The following EML5 variants were observed in gnomAD, a reference collection of about 807,000 sequenced individuals.
EML5 encodes the protein echinoderm microtubule-associated protein-like 5.
Under a neutral mutation model 250.0 loss-of-function variants are expected in EML5, and 120 were observed. The ratio of observed to expected loss-of-function variants is 0.48; its 90% CI spans 0.41 to 0.56. The LOEUF is 0.56. EML5 is among the 20% of genes least tolerant of loss of function. The pLI, the probability that EML5 is intolerant of heterozygous loss-of-function variation, is 0.00. For missense variants in EML5, 2,006 were observed against 2,437.6 expected (o/e 0.82, Z 3.73); for synonymous variants, 771 against 806.5 (o/e 0.96, Z 0.75).
chr14:88,638,493 C>A (rs1490414158), intron 32 of EML5, among the ~76,000 whole-genome samples: 1 of 152,176 alleles, frequency 6.6e-6, no homozygotes, highest in Non-Finnish European at 1.5e-5. Context: ...CTCCTCTTTT[C>A]TGCTTTATAT....
At chr14:88,742,758 TA>T (rs781688066) in intron 4 of EML5, among the ~76,000 whole-genome samples, 12 of 152,154 alleles carry the variant, frequency 7.9e-5, no homozygotes, top group Non-Finnish European at 1.6e-4. Context: ...TTTTTGGTAT[TA>T]AATATTTGTC....
intron 1 of EML5, among the ~76,000 whole-genome samples, chr14:88,770,592 T>C (rs1010597466): frequency 6.6e-6 from 1 of 152,150 alleles, no homozygotes; most frequent in Non-Finnish European, 1.5e-5. Context: ...GCTGAATGTA[T>C]TGCTTTTGGA....
chr14:88,674,852 C>T (rs916477230), intron 21 of EML5, among the ~76,000 whole-genome samples: 2 of 152,194 alleles, frequency 1.3e-5, no homozygotes, highest in Non-Finnish European at 2.9e-5. Context: ...ATACAGCTGT[C>T]CCAAATAGGG....
chr14:88,701,084 G>A (rs1301630108), intron 14 of EML5, among the ~76,000 whole-genome samples: 1 of 151,972 alleles, frequency 6.6e-6, no homozygotes, highest in Non-Finnish European at 1.5e-5. Flanking sequence ...CGATTCTACT[G>A]GGCAAAATTA....
rs577769840 is a variant in EML5, at chr14:88,666,617, AATG to A, written c.3125-1131_3125-1129del. Among the ~76,000 whole-genome samples, 86 of 152,242 alleles carry A rather than the reference AATG, an allele frequency of 5.6e-4. No individual in the cohort carries two copies. In the South Asian group the frequency reaches 9.5e-3, roughly 17 times the overall value. The stretch of plus-strand genomic sequence containing the variant: ...ATATACGTTTCAGAACCATATATGA[AATG>A]ATATTTTTATTATTAATGATAAATT... On this transcript the variant is annotated intron_variant, in intron 21 of 43. Transcript: ENST00000554922.
rs554247018 is a variant in EML5 at position 88,710,305 on chromosome 14, T to C, written c.1657+1966A>G. Reference sequence around the variant, plus strand: ...ATTCTCTCTTTGAGCTAACTTCGTATATTTTTTGTTTCAATTACAATGATT... The same window carrying C: ...ATTCTCTCTTTGAGCTAACTTCGTACATTTTTTGTTTCAATTACAATGATT... On this transcript the variant is annotated intron_variant, in intron 10 of 43. Coordinates refer to ENST00000554922, the MANE Select transcript of EML5 (RefSeq NM_183387.3). 4.6e-5 allele frequency among the ~76,000 whole-genome samples: 7 copies of C among 152,368 alleles called. No homozygotes were observed. The East Asian group carries it at 1.3e-3, about 29-fold the overall frequency.
chr14:88,676,721 C>T (rs2092602380), intron 21 of EML5, among the ~76,000 whole-genome samples: 1 of 152,052 alleles, frequency 6.6e-6, no homozygotes, highest in South Asian at 2.1e-4. Flanking sequence ...CATGCTAATC[C>T]CACTTCAAGC....
At chr14:88,747,119 C>CA (rs1042221205) in intron 2 of EML5, among the ~76,000 whole-genome samples, 218 of 145,772 alleles carry the variant, frequency 1.5e-3, no homozygotes, top group Middle Eastern at 7.0e-3. Context: ...AACAAACAAA[C>CA]AAAAAAAAAA....
intron 33 of EML5, among the ~76,000 whole-genome samples, chr14:88,633,532 T>TA (rs1375340790): frequency 1.3e-5 from 2 of 152,114 alleles, no homozygotes; most frequent in Non-Finnish European, 2.9e-5. Context: ...ATTTACTGGT[T>TA]AAAAAACAAA....
chr14:88,613,394 C>G lies in EML5; in HGVS notation c.*2424G>C, dbSNP rs1390987498. On this transcript the variant is annotated 3_prime_UTR_variant, in exon 44 of 44. Coordinates refer to ENST00000554922, the MANE Select transcript of EML5 (RefSeq NM_183387.3). Reference sequence around the variant, plus strand: ...AATATCTGGAAATACTTTTAGCTATCATTTATAAAGATAGTTTTGTTCTCA... The same window carrying G: ...AATATCTGGAAATACTTTTAGCTATGATTTATAAAGATAGTTTTGTTCTCA... The G allele has an allele frequency of 6.6e-6, 1 of 151,808 alleles. No homozygotes were observed. The highest frequency in any genetic ancestry group is 1.5e-5 in the Non-Finnish European group (1 of 68,018). The allele number at this position is 151,808 out of a possible 1,614,324, so 9.4% of individuals were successfully genotyped here.
At position 88,705,917 on chromosome 14, in the gene EML5, G is replaced by A. The variant is rs776473524; in HGVS notation, c.1826-329C>T. ...ATAGCTAAAAATACTATATGCAACAGATGAATTGACATTAGATAATTTTTG... is the reference window on the plus strand; with the variant it reads ...ATAGCTAAAAATACTATATGCAACAAATGAATTGACATTAGATAATTTTTG... On this transcript the variant is annotated intron_variant, in intron 11 of 43. Transcript: ENST00000554922. 4 of 548,438 alleles carry A rather than the reference G, an allele frequency of 7.3e-6. No individual in the cohort carries two copies. In the Admixed American group the frequency reaches 1.0e-4, roughly 14 times the overall value. The allele number at this position is 548,438 out of a possible 1,614,324, so 34.0% of individuals were successfully genotyped here.
At chr14:88,657,984 T>G (rs1297991052) in intron 26 of EML5, among the ~76,000 whole-genome samples, 1 of 152,234 alleles carries the variant, frequency 6.6e-6, no homozygotes, top group African/African-American at 2.4e-5. Context: ...ATTTTTCATT[T>G]GTAGATAAAT....
At chr14:88,690,540 GA>G (rs1281330372) in intron 17 of EML5, among the ~76,000 whole-genome samples, 2 of 152,062 alleles carry the variant, frequency 1.3e-5, no homozygotes, top group East Asian at 3.8e-4. Flanking sequence ...GTGGTGAGGT[GA>G]AAAAAACTAG....
chr14:88,736,544 C>T lies in EML5; in HGVS notation c.869G>A (p.Cys290Tyr). 1.2e-6 allele frequency: 2 copies of T among 1,614,016 alleles called. No homozygotes were observed. Among genetic ancestry groups the T allele is most frequent in the South Asian group, 2.2e-5 (2 of 91,080 alleles). Residue 290 changes from cysteine (C) to tyrosine (Y), a missense_variant, in exon 7 of 44, where the codon TGT becomes TAT. Around this residue, in one of 7 missense-constraint regions of EML5, gnomAD observed 1,375 missense variants for 1,590.3 expected, o/e 0.86. Coordinates refer to ENST00000554922, the MANE Select transcript of EML5 (RefSeq NM_183387.3). Reference protein sequence around the residue: ...GYKGLSVRSVCWRGDHILVGT... With the variant: ...GYKGLSVRSVYWRGDHILVGT... ...AACTAGAATGTGGTCACCTCGCCAA[C>T]ACACACTCCTTACAGACAAACCTAG...
chr14:88,734,068 A>T (rs2093802122), intron 7 of EML5, among the ~76,000 whole-genome samples: 1 of 152,192 alleles, frequency 6.6e-6, no homozygotes, highest in Admixed American at 6.5e-5. Flanking sequence ...ATTATAGGCA[A>T]AGAGTTAACA....
At chr14:88,748,773 T>C (rs184054933) in intron 2 of EML5, among the ~76,000 whole-genome samples, 42 of 152,062 alleles carry the variant, frequency 2.8e-4, no homozygotes, top group African/African-American at 9.9e-4. Flanking sequence ...CAGAAAACTG[T>C]TACATTATCT....
At chr14:88,752,138 C>CA (rs1389577489) in intron 2 of EML5, among the ~76,000 whole-genome samples, 1 of 151,984 alleles carries the variant, frequency 6.6e-6, no homozygotes, top group African/African-American at 2.4e-5. Context: ...ATAAGTTGCT[C>CA]AAAGTAAGTG....
chr14:88,754,424 G>C, intron 2 of EML5, 88 bp downstream of exon 2: 1 of 1,213,030 alleles, frequency 8.2e-7, no homozygotes, highest in Non-Finnish European at 1.1e-6. Flanking sequence ...TTCATCAAGT[G>C]TCCAATTTAA....
At chr14:88,672,882 T>C (rs1444116401) in intron 21 of EML5, among the ~76,000 whole-genome samples, 1 of 152,066 alleles carries the variant, frequency 6.6e-6, no homozygotes, top group African/African-American at 2.4e-5. Context: ...TTCTGAAATT[T>C]AGGCAGTAAT....
Sources: allele counts gnomAD v4.1 joint callset (sites outside exome capture counted in the v4.1 genomes callset), GRCh38; gene constraint gnomAD v4.1.1; regional missense constraint gnomAD v4.1.1; transcripts MANE v1.5; gene names NCBI Gene and HGNC (gene_info 2026-07-23, HGNC 2026-07-21).